The following CIMAP1D variants were observed in gnomAD, a reference collection of about 807,000 sequenced individuals.
The protein encoded by CIMAP1D is protein CIMAP1D.
the CIMAP1D span, among the ~76,000 whole-genome samples, chr19:473,433 A>G: frequency 1.8e-5 from 2 of 108,520 alleles, 1 homozygote. Flanking sequence ...AGGCAGAGAT[A>G]CACGATCACA....
the CIMAP1D span, chr19:489,791 C>T: frequency 8.1e-6 from 3 of 369,406 alleles, no homozygotes; most frequent in East Asian, 4.0e-5. Context: ...AGAGCGCGCT[C>T]GGGATGTCCA....
At chr19:467,698 G>A in the CIMAP1D span, 2 of 1,612,134 alleles carry the variant, frequency 1.2e-6, no homozygotes, top group African/African-American at 1.3e-5. Flanking sequence ...TGCAGCTGCG[G>A]CCAAAGCGTG....
the CIMAP1D span, among the ~76,000 whole-genome samples, chr19:488,709 C>T: frequency 6.6e-5 from 10 of 152,232 alleles, no homozygotes; most frequent in Non-Finnish European, 1.0e-4. Context: ...CCGACCGGGC[C>T]CTGCGGCCCC....
chr19:479,791 C>T, the CIMAP1D span, among the ~76,000 whole-genome samples: 1 of 152,246 alleles, frequency 6.6e-6, no homozygotes, highest in African/African-American at 2.4e-5. Context: ...CTGCCTCGGC[C>T]TCCCAAAGTG....
At chr19:483,544 G>A in the CIMAP1D span, among the ~76,000 whole-genome samples, 2 of 152,206 alleles carry the variant, frequency 1.3e-5, no homozygotes, top group Admixed American at 6.5e-5. Context: ...CCCAACCCAG[G>A]TGATTGCCCC....
chr19:467,303 C>T, the CIMAP1D span, among the ~76,000 whole-genome samples: 3 of 151,798 alleles, frequency 2.0e-5, no homozygotes, highest in African/African-American at 7.3e-5. Context: ...TGGAGTCAGG[C>T]AGGTGTGTCA....
the CIMAP1D span, chr19:472,291 C>T: frequency 3.3e-6 from 2 of 598,660 alleles, no homozygotes; most frequent in African/African-American, 1.9e-5. Context: ...TCCTGCCGCA[C>T]TAACTGGGGG....
At chr19:474,664 C>A in the CIMAP1D span, 1 of 1,583,572 alleles carries the variant, frequency 6.3e-7, no homozygotes, top group Non-Finnish European at 8.6e-7. Context: ...TCAGGCCGGT[C>A]TCCGGAATCT....
chr19:468,730 C>T, the CIMAP1D span, among the ~76,000 whole-genome samples: 1 of 152,224 alleles, frequency 6.6e-6, no homozygotes, highest in Non-Finnish European at 1.5e-5. Flanking sequence ...CACGGCCCCA[C>T]AGACCGTCTG....
chr19:487,857 G>T, the CIMAP1D span, among the ~76,000 whole-genome samples: 1 of 152,196 alleles, frequency 6.6e-6, no homozygotes. Flanking sequence ...CAGACAGCCC[G>T]GCGCTGTGCC....
At chr19:473,037 A>G in the CIMAP1D span, among the ~76,000 whole-genome samples, 227 of 82,276 alleles carry the variant, frequency 2.8e-3, 1 homozygote, top group Middle Eastern at 0.019. Context: ...CAGATGGGGA[A>G]ACTGAGGCCC....
the CIMAP1D span, among the ~76,000 whole-genome samples, chr19:465,816 AGTGGGTGGGTGGATG>A: frequency 9.7e-6 from 1 of 103,206 alleles, no homozygotes; most frequent in East Asian, 3.7e-4. Context: ...TGGATGGATG[AGTGGGTGGGTGGATG>A]GTGGATGGAT....
At chr19:481,823 G>C in the CIMAP1D span, among the ~76,000 whole-genome samples, 1 of 147,992 alleles carries the variant, frequency 6.8e-6, no homozygotes, top group African/African-American at 2.5e-5. Flanking sequence ...ACCCAGGCTG[G>C]AGAGTGCAGT....
At chr19:486,686 G>A in the CIMAP1D span, among the ~76,000 whole-genome samples, 3 of 151,490 alleles carry the variant, frequency 2.0e-5, no homozygotes, top group South Asian at 2.1e-4. Flanking sequence ...AGGCTGAGGC[G>A]AGCAGATCAC....
At chr19:473,685 A>G in the CIMAP1D span, among the ~76,000 whole-genome samples, 1 of 136,876 alleles carries the variant, frequency 7.3e-6, no homozygotes, top group African/African-American at 2.9e-5. Flanking sequence ...GCAGAGATAC[A>G]TGGTCACAGA....
the CIMAP1D span, among the ~76,000 whole-genome samples, chr19:469,598 G>C: frequency 1.3e-5 from 2 of 152,264 alleles, no homozygotes; most frequent in Admixed American, 6.5e-5. Flanking sequence ...GCTGAGGCAG[G>C]AGAATCACTT....
chr19:469,756 G>A, the CIMAP1D span, among the ~76,000 whole-genome samples: 1 of 152,104 alleles, frequency 6.6e-6, no homozygotes, highest in African/African-American at 2.4e-5. Context: ...ACAGATGCCT[G>A]GGCCTCACTC....
the CIMAP1D span, among the ~76,000 whole-genome samples, chr19:477,736 C>T: frequency 3.3e-5 from 5 of 152,220 alleles, no homozygotes; most frequent in African/African-American, 7.2e-5. Flanking sequence ...GATCTCGGCT[C>T]ACTGCGAGCT....
chr19:481,514 G>GAAGGATGATGGGA, the CIMAP1D span, among the ~76,000 whole-genome samples: 129 of 140,480 alleles, frequency 9.2e-4, 1 homozygote, highest in Non-Finnish European at 1.9e-3. Context: ...GGATGATGGG[G>GAAGGATGATGGGA]AAGGATGATG....
Sources: allele counts gnomAD v4.1 joint callset (sites outside exome capture counted in the v4.1 genomes callset), GRCh38; gene constraint gnomAD v4.1.1; transcripts MANE v1.5; gene names NCBI Gene and HGNC (gene_info 2026-07-23, HGNC 2026-07-21).